Variants in GALNT14 observed in about 807,000 individuals in gnomAD.
The protein encoded by GALNT14 is UDP-GalNAc:polypeptide N-acetylgalactosaminyltransferase 14.
In GALNT14, 60 loss-of-function variants were observed where a neutral mutation model predicts 77.5. The observed-to-expected ratio is 0.77, with a 90% CI of 0.63 to 0.96. The LOEUF (loss-of-function observed/expected upper bound fraction) is 0.96, where lower values mean the gene tolerates loss of function less well. GALNT14 is among the 40% of genes least tolerant of loss of function. The probability of loss-of-function intolerance (pLI) is 0.00; values close to 1 mark genes in which losing one functional copy is unlikely to be tolerated. For missense variants in GALNT14, 710 were observed against 731.0 expected, an observed-to-expected ratio of 0.97 and a Z score of 0.33; for synonymous variants, 280 against 281.7, an observed-to-expected ratio of 0.99 and a Z score of 0.06.
chr2:31,134,434 G>A (rs1397037183), intron 1 of GALNT14, among the ~76,000 whole-genome samples: 1 of 150,460 alleles, frequency 6.6e-6, no homozygotes, highest in Non-Finnish European at 1.5e-5. Context: ...CCTACAGCAC[G>A]GAACTCACTC....
At chr2:31,025,557 C>T (rs2194456) in intron 1 of GALNT14, among the ~76,000 whole-genome samples, 65,541 of 151,962 alleles carry the variant, frequency 0.43, 14,327 homozygotes, top group East Asian at 0.56. Flanking sequence ...GAGAAAACAC[C>T]GGCAGGCTTG....
At chr2:30,980,159 G>C (rs1668896132) in intron 2 of GALNT14, among the ~76,000 whole-genome samples, 1 of 152,234 alleles carries the variant, frequency 6.6e-6, no homozygotes, top group South Asian at 2.1e-4. Context: ...CAGCTCCACT[G>C]TGACTCACAT....
In GALNT14 at chr2:30,937,055, T is replaced by C. The variant is rs1666097825; in HGVS notation, c.932-4861A>G. On this transcript the variant is annotated intron_variant, in intron 9 of 14. Coordinates refer to ENST00000349752, the MANE Select transcript of GALNT14 (RefSeq NM_024572.4). The stretch of plus-strand genomic sequence containing the variant: ...AGTGCTGGCTGCATTAGCTTTACTC[T>C]CCATCTGGGGGAAAAGCTGACTTGC... Among the ~76,000 whole-genome samples the C allele has an allele frequency of 1.3e-5, 2 of 152,182 alleles. 1 individual carries two copies. Among genetic ancestry groups the C allele is most frequent in the South Asian group, 4.1e-4 (2 of 4,830 alleles).
chr2:30,944,491 C>G (rs1001723523), intron 8 of GALNT14, among the ~76,000 whole-genome samples: 21 of 152,184 alleles, frequency 1.4e-4, no homozygotes, highest in African/African-American at 5.1e-4. Flanking sequence ...GGGCTGAATC[C>G]TGATGTCCAA....
chr2:31,128,312 T>A (rs1453844463), intron 1 of GALNT14, among the ~76,000 whole-genome samples: 4 of 151,826 alleles, frequency 2.6e-5, no homozygotes, highest in African/African-American at 7.3e-5. Context: ...GCCCCCACAT[T>A]AGAGGCATGG....
chr2:31,015,947 G>T (rs1341281075), intron 1 of GALNT14, among the ~76,000 whole-genome samples: 1 of 152,178 alleles, frequency 6.6e-6, no homozygotes, highest in Admixed American at 6.5e-5. Context: ...CCTTGAAGCA[G>T]GCTGAGGGGG....
chr2:30,978,426 T>C (rs990918187), intron 2 of GALNT14, among the ~76,000 whole-genome samples: 4 of 152,216 alleles, frequency 2.6e-5, no homozygotes, highest in African/African-American at 9.6e-5. Flanking sequence ...CCGGAGTCAA[T>C]TTCTTCATCT....
intron 1 of GALNT14, among the ~76,000 whole-genome samples, chr2:31,128,149 T>C (rs1486086415): frequency 2.0e-5 from 3 of 152,024 alleles, no homozygotes; most frequent in Non-Finnish European, 2.9e-5. Flanking sequence ...TAACCACATA[T>C]GTGGGCAGAG....
At chr2:30,929,304 G>A (rs1454050933) in intron 11 of GALNT14, 91 bp downstream of exon 11, 2 of 930,382 alleles carry the variant, frequency 2.1e-6, no homozygotes, top group Admixed American at 4.1e-5. Flanking sequence ...GGGTAGCTAA[G>A]CTGACTGGCC....
chr2:30,901,708 T>C, the GALNT14 span, among the ~76,000 whole-genome samples: 1 of 152,122 alleles, frequency 6.6e-6, no homozygotes. Flanking sequence ...TGTGTATATA[T>C]ATACAAATTC....
At chr2:30,937,098 C>T (rs1666101480) in intron 9 of GALNT14, among the ~76,000 whole-genome samples, 1 of 152,234 alleles carries the variant, frequency 6.6e-6, no homozygotes, top group Non-Finnish European at 1.5e-5. Context: ...CTTGTATGCT[C>T]TTCTCAGATG....
Position 30,944,842 on chromosome 2 carries a change from G to T in GALNT14, c.827+16C>A. 6.3e-7 allele frequency: 1 copy of T among 1,588,484 alleles called. No individual in the cohort carries two copies. The highest frequency in any genetic ancestry group is 8.6e-7 in the Non-Finnish European group (1 of 1,163,382). On this transcript the variant is annotated intron_variant, in intron 8 of 14. Coordinates refer to ENST00000349752, the MANE Select transcript of GALNT14 (RefSeq NM_024572.4). ...GTGATGGTCTGCCCACCCCTGCACA[G>T]ACTCTTCCCACTTACCTGATGGGCT...
chr2:31,024,081 T>C (rs1435142860), intron 1 of GALNT14, among the ~76,000 whole-genome samples: 2 of 129,884 alleles, frequency 1.5e-5, no homozygotes, highest in South Asian at 2.3e-4. Flanking sequence ...ATGCTTCCCA[T>C]TTCCCCAGCC....
intron 1 of GALNT14, among the ~76,000 whole-genome samples, chr2:31,058,658 C>G (rs751627773): frequency 3.3e-5 from 5 of 152,180 alleles, no homozygotes; most frequent in Non-Finnish European, 7.3e-5. Context: ...GCTAGATTTA[C>G]TCATTTACCT....
the GALNT14 span, among the ~76,000 whole-genome samples, chr2:30,905,184 A>G: frequency 6.6e-6 from 1 of 152,204 alleles, no homozygotes; most frequent in Non-Finnish European, 1.5e-5. Flanking sequence ...GCAGTTCCTC[A>G]CCAGCAACAG....
At chr2:31,114,767 T>G (rs1214854727) in intron 1 of GALNT14, 1 of 717,446 alleles carries the variant, frequency 1.4e-6, no homozygotes, top group Admixed American at 2.0e-5. Flanking sequence ...GACCTGAGTC[T>G]GCAAATGGAA....
intron 1 of GALNT14, among the ~76,000 whole-genome samples, chr2:31,000,302 T>A (rs1043254176): frequency 6.6e-6 from 1 of 152,194 alleles, no homozygotes; most frequent in African/African-American, 2.4e-5. Context: ...ACCCAAAGCC[T>A]TTCCTTAGGA....
intron 6 of GALNT14, among the ~76,000 whole-genome samples, chr2:30,947,540 A>AGGAAAAC (rs1286389060): frequency 2.0e-5 from 3 of 152,226 alleles, no homozygotes; most frequent in Admixed American, 6.5e-5. Flanking sequence ...AACTCCCCAC[A>AGGAAAAC]TTGCCCAGAG....
intron 10 of GALNT14, among the ~76,000 whole-genome samples, chr2:30,930,242 T>C (rs964865774): frequency 6.6e-6 from 1 of 152,212 alleles, no homozygotes; most frequent in Non-Finnish European, 1.5e-5. Flanking sequence ...GCATCTAGCT[T>C]CTGGCTGTCC....
Sources: gnomAD v4.1 joint callset for allele counts (sites outside exome capture counted in the v4.1 genomes callset) on GRCh38, gnomAD v4.1.1 for gene constraint, MANE v1.5 for transcripts, NCBI Gene and HGNC (gene_info 2026-07-23, HGNC 2026-07-21) for gene names.